Variants in CABIN1 observed in about 807,000 individuals in gnomAD.
CABIN1 encodes the protein calcineurin-binding protein cabin-1.
A neutral mutation model predicts 227.7 loss-of-function variants in CABIN1; 133 were observed. The ratio of observed to expected loss-of-function variants is 0.58; its 90% CI spans 0.51 to 0.67. CABIN1 has a LOEUF of 0.67. Among genes scored for constraint, CABIN1 ranks in the 30% least tolerant of loss-of-function variants. The probability of loss-of-function intolerance (pLI) is 0.00; values close to 1 mark genes in which losing one functional copy is unlikely to be tolerated. For synonymous variants in CABIN1, 1,086 were observed against 1,155.1 expected (o/e 0.94, Z 1.21); for missense variants, 2,408 against 2,852.5 (o/e 0.84, Z 3.55).
intron 26 of CABIN1, among the ~76,000 whole-genome samples, chr22:24,105,158 G>C (rs73165719): frequency 6.6e-6 from 1 of 152,136 alleles, no homozygotes; most frequent in Admixed American, 6.5e-5. Context: ...GTGGGGACAG[G>C]CAGCCTTTCT....
intron 29 of CABIN1, among the ~76,000 whole-genome samples, chr22:24,163,446 A>G (rs934576621): frequency 1.4e-4 from 22 of 152,272 alleles, no homozygotes; most frequent in African/African-American, 4.8e-4. Flanking sequence ...TGGGGGCCCA[A>G]GTCCCCAGAA....
intron 29 of CABIN1, among the ~76,000 whole-genome samples, chr22:24,151,797 C>T (rs1056359362): frequency 1.3e-5 from 2 of 152,196 alleles, no homozygotes; most frequent in Admixed American, 1.3e-4. Context: ...CACTGCCACA[C>T]GCACCCCCTT....
chr22:24,049,268 C>A, intron 7 of CABIN1, 48 bp downstream of exon 7: 1 of 1,603,790 alleles, frequency 6.2e-7, no homozygotes, highest in South Asian at 1.1e-5. Context: ...TACTGTGTGG[C>A]TGGTGAAGGT....
Position 24,091,476 on chromosome 22 carries a change from AG to A in CABIN1, c.3526-105del, listed in dbSNP as rs2041536591. The stretch of plus-strand genomic sequence containing the variant: ...GCATTTCTGTGTCTTGGTTGTTAAG[AG>A]GAGTATAAACTTGCAAATAGGTCGG... On this transcript the variant is annotated intron_variant, in intron 23 of 36. Coordinates refer to ENST00000263119, the MANE Select transcript of CABIN1 (RefSeq NM_012295.4). The A allele has an allele frequency of 1.9e-5, 26 of 1,333,362 alleles. 1 individual carries two copies. The highest frequency in any genetic ancestry group is 2.6e-5 in the Non-Finnish European group (24 of 929,356). The allele number at this position is 1,333,362 out of a possible 1,614,324, so 82.6% of individuals were successfully genotyped here.
chr22:24,101,859 G>GTGTA (rs914936585), intron 26 of CABIN1: 3 of 140,598 alleles, frequency 2.1e-5, no homozygotes, highest in South Asian at 2.2e-4. Context: ...TACAGTATGC[G>GTGTA]TGTATGTATG....
intron 24 of CABIN1, among the ~76,000 whole-genome samples, chr22:24,092,289 C>G (rs2041598274): frequency 6.6e-6 from 1 of 152,188 alleles, no homozygotes; most frequent in South Asian, 2.1e-4. Context: ...CTAGGGTGAG[C>G]AGCCTGCTCT....
chr22:24,064,134 A>G lies in CABIN1; in HGVS notation c.1984A>G (p.Ile662Val), dbSNP rs372601045. ...QVEAGAERRD[I>V]VIRLPNLHND... Reference sequence around the variant, plus strand: ...GGAGGCAGGGGCTGAACGAAGAGACATTGTCATCCGGCTGCCCAACCTCCA... The same window carrying G: ...GGAGGCAGGGGCTGAACGAAGAGACGTTGTCATCCGGCTGCCCAACCTCCA... Residue 662 changes from isoleucine to valine, a missense_variant, in exon 15 of 37, where the codon ATT (isoleucine) becomes GTT (valine). Around this residue, in one of 3 missense-constraint regions of CABIN1, gnomAD observed 1,045 missense variants for 1,168.4 expected, o/e 0.89. Coordinates refer to ENST00000263119, the MANE Select transcript of CABIN1 (RefSeq NM_012295.4). 17 of 1,614,062 alleles carry G rather than the reference A, an allele frequency of 1.1e-5. 1 individual carries two copies. The highest frequency in any genetic ancestry group is 4.5e-5 in the East Asian group (2 of 44,896).
intron 10 of CABIN1, 190 bp downstream of exon 10, chr22:24,056,550 A>G (rs1395718690): frequency 9.8e-6 from 6 of 611,678 alleles, no homozygotes; most frequent in Non-Finnish European, 1.1e-5. Flanking sequence ...GCCTCTTCCC[A>G]CCTCTGAAAT....
chr22:24,019,521 C>T (rs2035559971), intron 1 of CABIN1, among the ~76,000 whole-genome samples: 1 of 152,042 alleles, frequency 6.6e-6, no homozygotes, highest in African/African-American at 2.4e-5. Flanking sequence ...TCGCAGAGCA[C>T]TGGGATTACA....
At chr22:24,158,423 C>T (rs1025179436) in intron 29 of CABIN1, among the ~76,000 whole-genome samples, 2 of 152,178 alleles carry the variant, frequency 1.3e-5, no homozygotes, top group Non-Finnish European at 2.9e-5. Flanking sequence ...AGTCCCAGAG[C>T]CAGATGCTCA....
At chr22:24,050,081 T>TG (rs1263951755) in intron 7 of CABIN1, among the ~76,000 whole-genome samples, 2 of 152,208 alleles carry the variant, frequency 1.3e-5, no homozygotes, top group African/African-American at 4.8e-5. Flanking sequence ...TTTTGCCCTC[T>TG]GGTCTTCCTT....
chr22:24,100,241 C>T (rs1173370602), intron 26 of CABIN1, among the ~76,000 whole-genome samples: 1 of 152,238 alleles, frequency 6.6e-6, no homozygotes, highest in Non-Finnish European at 1.5e-5. Flanking sequence ...GCACTGGCCA[C>T]CTGTGTGCTC....
intron 1 of CABIN1, among the ~76,000 whole-genome samples, chr22:24,018,675 A>C (rs1450205558): frequency 6.6e-6 from 1 of 152,106 alleles, no homozygotes; most frequent in African/African-American, 2.4e-5. Flanking sequence ...TTTCATTATG[A>C]AGGCTTTGTA....
chr22:24,113,116 T>C (rs1296194892), intron 26 of CABIN1, among the ~76,000 whole-genome samples: 1 of 152,258 alleles, frequency 6.6e-6, no homozygotes, highest in African/African-American at 2.4e-5. Context: ...TCCTGAATTC[T>C]TTCCCACTTC....
chr22:24,178,251 C>T lies in CABIN1; in HGVS notation c.*55C>T, dbSNP rs1177680981. ...CAGGGGACCAGCCAGGCCTGGAATG[C>T]CCCCTGGGCAGGACCCTGGGCAGGA... On this transcript the variant is annotated 3_prime_UTR_variant, in exon 37 of 37. Coordinates refer to ENST00000263119, the MANE Select transcript of CABIN1 (RefSeq NM_012295.4). 6.2e-7 allele frequency: 1 copy of T among 1,605,276 alleles called. No homozygotes were observed. The highest frequency in any genetic ancestry group is 2.2e-5 in the East Asian group (1 of 44,730).
intron 1 of CABIN1, among the ~76,000 whole-genome samples, chr22:24,022,613 A>G (rs923619999): frequency 6.6e-6 from 1 of 152,202 alleles, no homozygotes; most frequent in Non-Finnish European, 1.5e-5. Context: ...AATAACTAGG[A>G]GTGAGATTGA....
intron 26 of CABIN1, among the ~76,000 whole-genome samples, chr22:24,107,964 C>T (rs183796455): frequency 1.0e-3 from 153 of 152,342 alleles, no homozygotes; most frequent in African/African-American, 3.4e-3. Flanking sequence ...ACTTCAACTG[C>T]GGGGCATGGC....
chr22:24,043,186 G>GGT (rs1480254701), intron 6 of CABIN1, 102 bp downstream of exon 6: 1 of 974,904 alleles, frequency 1.0e-6, no homozygotes, highest in African/African-American at 1.6e-5. Flanking sequence ...ACACTGAAGG[G>GGT]GTTTGCCAGA....
intron 29 of CABIN1, among the ~76,000 whole-genome samples, chr22:24,148,080 G>C (rs181656387): frequency 6.6e-6 from 1 of 152,174 alleles, no homozygotes; most frequent in Admixed American, 6.5e-5. Context: ...AAGGAGGAGG[G>C]GGTTGCTGTT....
Sources: allele counts gnomAD v4.1 joint callset (sites outside exome capture counted in the v4.1 genomes callset), GRCh38; gene constraint gnomAD v4.1.1; regional missense constraint gnomAD v4.1.1; transcripts MANE v1.5; gene names NCBI Gene and HGNC (gene_info 2026-07-23, HGNC 2026-07-21).